TMC1: variants seen among roughly 807,000 people sequenced by gnomAD.
TMC1 encodes the protein transmembrane channel like 1.
Under a neutral mutation model 105.8 loss-of-function variants are expected in TMC1, and 84 were observed. That is an observed-to-expected ratio of 0.79 (90% CI 0.67 to 0.95). The LOEUF (loss-of-function observed/expected upper bound fraction) is 0.95, where lower values mean the gene tolerates loss of function less well. Among genes scored for constraint, TMC1 ranks in the 40% least tolerant of loss-of-function variants. TMC1 has a pLI of 0.00. For missense variants in TMC1, 817 were observed against 914.1 expected (o/e 0.89, Z 1.37); for synonymous variants, 315 against 311.5 (o/e 1.01, Z -0.12).
intron 17 of TMC1, among the ~76,000 whole-genome samples, chr9:72,802,290 G>T (rs1338787016): frequency 6.7e-6 from 1 of 149,008 alleles, no homozygotes; most frequent in Non-Finnish European, 1.5e-5. Context: ...TACATACAAA[G>T]AACTGCCTTA....
intron 19 of TMC1, 30 bp from the exon 20 acceptor site, chr9:72,820,812 A>G: frequency 6.2e-7 from 1 of 1,613,576 alleles, no homozygotes; most frequent in South Asian, 1.1e-5. Flanking sequence ...TAAAGACTCA[A>G]AACTGAGCAG....
intron 17 of TMC1, among the ~76,000 whole-genome samples, chr9:72,794,532 C>G (rs747667227): frequency 2.0e-5 from 3 of 152,164 alleles, no homozygotes; most frequent in Admixed American, 6.5e-5. Context: ...TAACATACCC[C>G]CCTCTGAAAC....
intron 1 of TMC1, among the ~76,000 whole-genome samples, chr9:72,557,031 A>G (rs958694933): frequency 6.6e-6 from 1 of 152,118 alleles, no homozygotes; most frequent in Admixed American, 6.5e-5. Context: ...AGCATTAAAC[A>G]GTCCAAAATG....
chr9:72,799,906 G>A (rs1828441626), intron 17 of TMC1, among the ~76,000 whole-genome samples: 1 of 152,110 alleles, frequency 6.6e-6, no homozygotes, highest in East Asian at 1.9e-4. Flanking sequence ...ATAAGCAGGA[G>A]ATAAAGGGAA....
intron 2 of TMC1, among the ~76,000 whole-genome samples, chr9:72,585,352 G>A (rs527497872): frequency 2.6e-5 from 4 of 151,374 alleles, no homozygotes; most frequent in Admixed American, 1.3e-4. Flanking sequence ...GGGTTTCAGC[G>A]TGTTAGCCAG....
intron 8 of TMC1, among the ~76,000 whole-genome samples, chr9:72,705,862 C>T (rs1299509028): frequency 6.6e-6 from 1 of 152,092 alleles, no homozygotes; most frequent in East Asian, 1.9e-4. Flanking sequence ...CTTTGTAGTA[C>T]CCTGACCTAT....
At chr9:72,701,459 CTG>C (rs1020123447) in intron 8 of TMC1, among the ~76,000 whole-genome samples, 1 of 152,162 alleles carries the variant, frequency 6.6e-6, no homozygotes, top group African/African-American at 2.4e-5. Flanking sequence ...AAAAGGGAAA[CTG>C]TTTGTGATAA....
intron 1 of TMC1, among the ~76,000 whole-genome samples, chr9:72,550,680 G>A (rs1323172153): frequency 1.0e-4 from 9 of 89,888 alleles, no homozygotes; most frequent in Non-Finnish European, 1.4e-4. Flanking sequence ...AAAAAAAAAA[G>A]TATGGTTGTT....
chr9:72,632,650 C>G (rs951784096), intron 4 of TMC1, among the ~76,000 whole-genome samples: 11 of 152,020 alleles, frequency 7.2e-5, no homozygotes, highest in African/African-American at 2.4e-4. Context: ...GCAAATGACC[C>G]TGCATTGAAA....
chr9:72,751,745 G>T, intron 10 of TMC1, 105 bp from the exon 11 acceptor site: 1 of 763,096 alleles, frequency 1.3e-6, no homozygotes. Context: ...AAGGACCAAT[G>T]CCTCACAATT....
At chr9:72,691,861 T>C (rs1826471171) in intron 6 of TMC1, among the ~76,000 whole-genome samples, 1 of 152,188 alleles carries the variant, frequency 6.6e-6, no homozygotes, top group African/African-American at 2.4e-5. Context: ...TGTGTCATGC[T>C]GAACTGGGGG....
At chr9:72,735,123 G>A (rs2589630) in intron 8 of TMC1, among the ~76,000 whole-genome samples, 34,393 of 152,036 alleles carry the variant, frequency 0.23, 4,178 homozygotes, top group East Asian at 0.39. Context: ...AATAGACCTC[G>A]CTCAATTATT....
chr9:72,605,542 G>C (rs1290045665), intron 2 of TMC1, among the ~76,000 whole-genome samples: 11 of 150,948 alleles, frequency 7.3e-5, no homozygotes, highest in African/African-American at 2.7e-4. Context: ...GTCTCTTTTT[G>C]AGTGAAAATT....
chr9:72,530,293 C>A (rs1823477325), intron 1 of TMC1, among the ~76,000 whole-genome samples: 1 of 152,192 alleles, frequency 6.6e-6, no homozygotes, highest in Non-Finnish European at 1.5e-5. Context: ...TATGTCTCAG[C>A]TTCCTGAGTA....
chr9:72,522,568 GAAGA>G (rs1172396619), intron 1 of TMC1, among the ~76,000 whole-genome samples: 1 of 152,192 alleles, frequency 6.6e-6, no homozygotes, highest in African/African-American at 2.4e-5. Context: ...AGGAGAAAGG[GAAGA>G]AATACAGAGA....
intron 10 of TMC1, among the ~76,000 whole-genome samples, chr9:72,747,859 G>T (rs546895102): frequency 6.6e-6 from 1 of 152,222 alleles, no homozygotes; most frequent in Non-Finnish European, 1.5e-5. Context: ...CTCCCAAAGT[G>T]CTGGGATTAC....
At chr9:72,815,411 G>A (rs1828770255) in intron 18 of TMC1, among the ~76,000 whole-genome samples, 1 of 151,998 alleles carries the variant, frequency 6.6e-6, no homozygotes, top group Non-Finnish European at 1.5e-5. Flanking sequence ...TTCTTTTGCT[G>A]TATTTACTTT....
intron 3 of TMC1, among the ~76,000 whole-genome samples, chr9:72,622,584 G>A (rs1220654934): frequency 1.3e-5 from 2 of 152,084 alleles, no homozygotes; most frequent in Non-Finnish European, 2.9e-5. Flanking sequence ...AATTTTCCCT[G>A]TTCAAATAAT....
chr9:72,756,071 C>T (rs1827672244), intron 12 of TMC1, among the ~76,000 whole-genome samples: 1 of 152,120 alleles, frequency 6.6e-6, no homozygotes, highest in South Asian at 2.1e-4. Flanking sequence ...TCCGAATGAA[C>T]AAAGCAAGCT....
Sources: allele counts gnomAD v4.1 joint callset (sites outside exome capture counted in the v4.1 genomes callset), GRCh38; gene constraint gnomAD v4.1.1; transcripts MANE v1.5; gene names NCBI Gene and HGNC (gene_info 2026-07-23, HGNC 2026-07-21).